NLRP13: variants seen among roughly 807,000 people sequenced by gnomAD.
NLRP13 encodes the protein NACHT, LRR and PYD domains-containing protein 13.
Under a neutral mutation model 94.4 loss-of-function variants are expected in NLRP13, and 82 were observed. The ratio of observed to expected loss-of-function variants is 0.87; its 90% CI spans 0.73 to 1.04. NLRP13 has a LOEUF of 1.04. Among genes scored for constraint, NLRP13 ranks in the 50% least tolerant of loss-of-function variants. The pLI is 0.00. For missense variants in NLRP13, 1,426 were observed against 1,230.8 expected, an observed-to-expected ratio of 1.16 and a Z score of -2.37; for synonymous variants, 553 against 464.7, an observed-to-expected ratio of 1.19 and a Z score of -2.45.
chr19:55,906,802 T>C (rs371103405), intron 7 of NLRP13, among the ~76,000 whole-genome samples: 1 of 151,900 alleles, frequency 6.6e-6, no homozygotes, highest in East Asian at 1.9e-4. Flanking sequence ...CTCTTCCCCA[T>C]CCCTTTCAGA....
intron 6 of NLRP13, among the ~76,000 whole-genome samples, chr19:55,910,231 G>A (rs1000541021): frequency 2.0e-5 from 3 of 152,162 alleles, no homozygotes; most frequent in Admixed American, 6.5e-5. Context: ...CAGACTACAC[G>A]TGTCTGTAGC....
intron 10 of NLRP13, among the ~76,000 whole-genome samples, chr19:55,897,248 G>A (rs1161402098): frequency 2.0e-5 from 3 of 152,186 alleles, no homozygotes; most frequent in Non-Finnish European, 4.4e-5. Context: ...GCCAGGCGCA[G>A]TGGCTCATGT....
rs764910468 is a variant in NLRP13 at position 55,895,949 on chromosome 19, C to T, written c.3128G>A (p.Gly1043Glu). 1 of 1,613,644 alleles carries T rather than the reference C, an allele frequency of 6.2e-7. No individual in the cohort carries two copies. ...CTGCAGAAAAGTCAGTGAGGTTTAC[C>T]CGAGTTTCTGCAGCCTGCATGTCGA... is the stretch of plus-strand genomic sequence containing the variant. The part of the protein sequence containing the change: ...KKSTCRLQKL[G>E] The change falls in exon 11 of 11, where the codon GGG becomes GAG. Residue 1043 changes from glycine (G) to glutamate (E), a missense_variant. Physicochemically the swap from Gly to Glu is moderately conservative, Grantham distance 98 (BLOSUM62 -2). Coordinates refer to ENST00000342929, the MANE Select transcript of NLRP13 (RefSeq NM_176810.2).
At chr19:55,896,820 CAAAAAAAAAA>C (rs3073244) in intron 10 of NLRP13, among the ~76,000 whole-genome samples, 2 of 80,916 alleles carry the variant, frequency 2.5e-5, no homozygotes, top group East Asian at 7.1e-4. Context: ...CTCCATCTCA[CAAAAAAAAAA>C]AAAAAAAAAA....
chr19:55,929,541 C>T (rs527881496), intron 1 of NLRP13, among the ~76,000 whole-genome samples: 8 of 152,204 alleles, frequency 5.3e-5, no homozygotes, highest in African/African-American at 9.6e-5. Context: ...AACCAAACAC[C>T]GCATGTTCTC....
chr19:55,895,568 A>G (rs1225411631), downstream of NLRP13, among the ~76,000 whole-genome samples: 1 of 151,944 alleles, frequency 6.6e-6, no homozygotes, highest in African/African-American at 2.4e-5. Flanking sequence ...CTGTAGCTCC[A>G]GCTACTCGGG....
intron 6 of NLRP13, among the ~76,000 whole-genome samples, chr19:55,908,350 AACT>A (rs1178852936): frequency 6.6e-6 from 1 of 152,218 alleles, no homozygotes; most frequent in Admixed American, 6.5e-5. Context: ...TTATCTTGAG[AACT>A]AAGTACGACC....
rs1179198689 is a variant in NLRP13, at chr19:55,911,703, C to G, written c.2111+3G>C. 6.3e-7 allele frequency: 1 copy of G among 1,586,928 alleles called. No homozygotes were observed. The highest frequency in any genetic ancestry group is 8.6e-7 in the Non-Finnish European group (1 of 1,167,566). ...TGAGAAAGAAATGGTTTGTAATACTCACTCCAGAATTTCCAAGTCCCTTTC... is the reference window on the plus strand; with the variant it reads ...TGAGAAAGAAATGGTTTGTAATACTGACTCCAGAATTTCCAAGTCCCTTTC... On this transcript the variant is annotated splice_donor_region_variant and intron_variant, in intron 5 of 10. Transcript: ENST00000342929.
At chr19:55,910,496 A>T in intron 6 of NLRP13, 67 bp downstream of exon 6, 2 of 1,420,296 alleles carry the variant, frequency 1.4e-6, no homozygotes, top group South Asian at 1.6e-5. Context: ...AACCACACTC[A>T]TCAAAAGAGA....
chr19:55,912,414 T>G lies in NLRP13; in HGVS notation c.1403A>C (p.Glu468Ala). ...CCAGCTGTCATCTGCCAAATCTACC[T>G]CTGCTGTGGAGAACAAGTTGGAGAA... ...YFFSNLFSTA[E>A]VDLADDSWPG... The change falls in exon 5 of 11, where the codon GAG becomes GCG. Residue 468 changes from glutamate (E) to alanine (A), a missense_variant. Physicochemically the swap from Glu to Ala is moderately radical, Grantham distance 107 (BLOSUM62 -1). Coordinates refer to ENST00000342929, the MANE Select transcript of NLRP13 (RefSeq NM_176810.2). The G allele has an allele frequency of 6.2e-7, 1 of 1,614,088 alleles. No homozygotes were observed. Among genetic ancestry groups the G allele is most frequent in the South Asian group, 1.1e-5 (1 of 91,086 alleles).
chr19:55,894,670 A>G (rs967475597), downstream of NLRP13, among the ~76,000 whole-genome samples: 1 of 152,104 alleles, frequency 6.6e-6, no homozygotes, highest in African/African-American at 2.4e-5. Context: ...GACAACAGAG[A>G]TTGCTTTTAT....
intron 4 of NLRP13, among the ~76,000 whole-genome samples, chr19:55,921,077 C>T (rs766365894): frequency 6.6e-6 from 1 of 151,988 alleles, no homozygotes; most frequent in South Asian, 2.1e-4. Flanking sequence ...TACATATGTA[C>T]ATATAGAATG....
downstream of NLRP13, among the ~76,000 whole-genome samples, chr19:55,895,198 T>TAA (rs112514218): frequency 0.15 from 20,375 of 140,282 alleles, 1,858 homozygotes; most frequent in African/African-American, 0.24. Flanking sequence ...AAAAGTATGT[T>TAA]AAAAAAAAAA....
chr19:55,899,046 G>T (rs1986095358), intron 9 of NLRP13, 109 bp from the exon 10 acceptor site: 2 of 1,205,716 alleles, frequency 1.7e-6, no homozygotes, highest in Non-Finnish European at 2.3e-6. Context: ...CCTGAAGCCA[G>T]ACTTTTGTCC....
chr19:55,927,241 C>T (rs866461356), intron 1 of NLRP13, among the ~76,000 whole-genome samples: 3 of 151,644 alleles, frequency 2.0e-5, no homozygotes, highest in African/African-American at 4.8e-5. Context: ...TGGTGGTGGG[C>T]GCCTGTACTC....
chr19:55,913,135 C>G lies in NLRP13; in HGVS notation c.682G>C (p.Ala228Pro). The G allele has an allele frequency of 1.2e-6, 2 of 1,614,118 alleles. No homozygotes were observed. The highest frequency in any genetic ancestry group is 1.7e-6 in the Non-Finnish European group (2 of 1,180,026). Residue 228 changes from alanine (A) to proline (P), a missense_variant, in exon 5 of 11, where the codon GCC becomes CCC. Transcript: ENST00000342929. The part of the protein sequence containing the change: ...LLDPNRTRAQ[A>P]QTIVLVGRAG... ...CTCCCCACCAAGACTATCGTCTGGG[C>G]CTGGGCTCTAGTCCTATTAGGATCC...
rs55976723 is a variant in NLRP13, at chr19:55,930,901, A to ATTTTTTTTTT, written c.319+1091_319+1092insAAAAAAAAAA. On this transcript the variant is annotated intron_variant, in intron 1 of 10. Transcript: ENST00000342929. The stretch of plus-strand genomic sequence containing the variant: ...ATATATATATATATATATATATAAA[A>ATTTTTTTTTT]TTTTAACCAGAAGCTTAAACAGCAT... Among the ~76,000 whole-genome samples, 16 of 98,296 alleles carry ATTTTTTTTTT rather than the reference A, an allele frequency of 1.6e-4. No homozygotes were observed. The East Asian group carries it at 2.3e-3, about 14-fold the overall frequency. The allele number at this position is 98,296 out of a possible 152,430, so 64.5% of individuals were successfully genotyped here.
At chr19:55,895,179 G>C (rs1328963243), downstream of NLRP13, among the ~76,000 whole-genome samples, 6 of 143,878 alleles carry the variant, frequency 4.2e-5, no homozygotes, top group African/African-American at 1.6e-4. Context: ...TGAAACCCCC[G>C]TGTCTACTAA....
In NLRP13 at chr19:55,911,690, G is replaced by C; in HGVS notation, c.2111+16C>G. 1 of 1,559,888 alleles carries C rather than the reference G, an allele frequency of 6.4e-7. No individual in the cohort carries two copies. ...AACAGGAGAAAGCTGAGAAAGAAAT[G>C]GTTTGTAATACTCACTCCAGAATTT... On this transcript the variant is annotated intron_variant, in intron 5 of 10. Coordinates refer to ENST00000342929, the MANE Select transcript of NLRP13 (RefSeq NM_176810.2).
Sources: gnomAD v4.1 joint callset for allele counts (sites outside exome capture counted in the v4.1 genomes callset) on GRCh38, gnomAD v4.1.1 for gene constraint, MANE v1.5 for transcripts, NCBI Gene and HGNC (gene_info 2026-07-23, HGNC 2026-07-21) for gene names.